Variants in HGS observed in about 807,000 individuals in gnomAD.
HGS encodes human growth factor-regulated tyrosine kinase substrate.
A neutral mutation model predicts 109.7 loss-of-function variants in HGS; 63 were observed. That is an observed-to-expected ratio of 0.57 (90% CI 0.47 to 0.71). The LOEUF (loss-of-function observed/expected upper bound fraction) is 0.71. Among genes scored for constraint, HGS ranks in the 30% least tolerant of loss-of-function variants. The probability of loss-of-function intolerance (pLI) is 0.00; values close to 1 mark genes in which losing one functional copy is unlikely to be tolerated. For synonymous variants in HGS, 546 were observed against 437.3 expected, an observed-to-expected ratio of 1.25 and a Z score of -3.10; for missense variants, 995 against 1,068.3, an observed-to-expected ratio of 0.93 and a Z score of 0.96.
rs370650353 is a variant in HGS, at chr17:81,695,994, G to A, written c.1388G>A (p.Arg463His). Residue 463 changes from arginine to histidine, a missense_variant, in exon 15 of 22, where the codon CGC (arginine) becomes CAC (histidine). Physicochemically the swap from Arg to His is conservative, Grantham distance 29. Around this residue, in one of 6 missense-constraint regions of HGS, gnomAD observed 163 missense variants for 217.8 expected, o/e 0.75. Coordinates refer to ENST00000329138, the MANE Select transcript of HGS (RefSeq NM_004712.5). ...LLELLNQLDE[R>H]RLYYEGLQDK... ...GAGCTGCTCAACCAGCTGGACGAGC[G>A]CAGGCGTAGGTGCCCGCGCCACGGG... The A allele has an allele frequency of 7.7e-6, 12 of 1,551,258 alleles. No homozygotes were observed. The highest frequency in any genetic ancestry group is 1.8e-5 in the Admixed American group (1 of 54,856).
chr17:81,694,726 C>T, intron 11 of HGS, 89 bp from the exon 12 acceptor site: 2 of 1,546,282 alleles, frequency 1.3e-6, no homozygotes, highest in South Asian at 2.2e-5. Context: ...GCTCTGGTCT[C>T]CAGGATCTGT....
intron 20 of HGS, 37 bp from the exon 21 acceptor site, chr17:81,701,008 G>T (rs1342107592): frequency 1.3e-6 from 2 of 1,589,382 alleles, no homozygotes; most frequent in African/African-American, 1.3e-5. Context: ...CCTGGTCACA[G>T]GGCTACTCTC....
intron 2 of HGS, 60 bp from the exon 3 acceptor site, chr17:81,686,240 CTTTTCTCATCTT>C: frequency 7.8e-7 from 1 of 1,284,552 alleles, no homozygotes; most frequent in Non-Finnish European, 1.1e-6. Context: ...AGCAGATGAG[CTTTTCTCATCTT>C]AGTTGCTGAG....
At chr17:81,688,006 C>T (rs533685087) in intron 4 of HGS, among the ~76,000 whole-genome samples, 36 of 152,324 alleles carry the variant, frequency 2.4e-4, no homozygotes, top group Middle Eastern at 3.4e-3. Context: ...GATCCTGAGC[C>T]GGTTCGCTCC....
chr17:81,685,519 G>GT, intron 1 of HGS, 86 bp from the exon 2 acceptor site: 1 of 795,366 alleles, frequency 1.3e-6, no homozygotes. Flanking sequence ...GAAGGAGAGA[G>GT]TCCCCCCCAG....
Position 81,684,052 on chromosome 17 carries a change from G to C in HGS, c.-15G>C. The C allele has an allele frequency of 6.3e-7, 1 of 1,592,550 alleles. No homozygotes were observed. On this transcript the variant is annotated 5_prime_UTR_variant, in exon 1 of 22. Transcript: ENST00000329138. Reference sequence around the variant, plus strand: ...GGGGAGCGCCCGCGGCGTCGGGTTTGGGCTGGAGGTCGCCATGGGGCGAGG... The same window carrying C: ...GGGGAGCGCCCGCGGCGTCGGGTTTCGGCTGGAGGTCGCCATGGGGCGAGG...
At chr17:81,698,746 C>T (rs1466089800) in intron 18 of HGS, among the ~76,000 whole-genome samples, 2 of 152,092 alleles carry the variant, frequency 1.3e-5, no homozygotes, top group Admixed American at 6.6e-5. Context: ...TGTGTATGTG[C>T]GAATACATGC....
chr17:81,698,662 C>T (rs1011093977), intron 18 of HGS, among the ~76,000 whole-genome samples: 5 of 152,138 alleles, frequency 3.3e-5, no homozygotes, highest in African/African-American at 7.2e-5. Context: ...TGGGTGTGCT[C>T]ACAGCTCTAG....
In HGS at chr17:81,696,699, G is replaced by T; in HGVS notation, c.1659G>T (p.Thr553=). Residue 553 remains threonine, a synonymous_variant, in exon 17 of 22, where the codon ACG becomes ACT. Transcript: ENST00000329138. ...TGCGGCTGGAGCAGCAGAAGCAGAC[G>T]GTCCAGATGCGCGCGCAGATGCCCG... The part of the protein sequence containing the change: ...RQMRLEQQKQ[T]VQMRAQMPAF... The T allele has an allele frequency of 6.2e-7, 1 of 1,610,724 alleles. No individual in the cohort carries two copies. Among genetic ancestry groups the T allele is most frequent in the Non-Finnish European group, 8.5e-7 (1 of 1,179,204 alleles).
chr17:81,694,570 T>C (rs1462086817), intron 11 of HGS, among the ~76,000 whole-genome samples: 1 of 152,240 alleles, frequency 6.6e-6, no homozygotes, highest in Non-Finnish European at 1.5e-5. Flanking sequence ...AGTGCCACCC[T>C]GTTCCTCCCA....
intron 2 of HGS, among the ~76,000 whole-genome samples, chr17:81,685,977 C>CTGAA (rs1183337893): frequency 6.6e-6 from 1 of 152,144 alleles, no homozygotes; most frequent in Non-Finnish European, 1.5e-5. Flanking sequence ...GTCACCCAGG[C>CTGAA]TGAAGTGCAG....
intron 17 of HGS, 35 bp downstream of exon 17, chr17:81,696,782 G>A: frequency 6.2e-7 from 1 of 1,602,444 alleles, no homozygotes; most frequent in Non-Finnish European, 8.5e-7. Context: ...AGAGGCTTGT[G>A]GGCTGAGGAC....
At chr17:81,697,194 G>T in intron 18 of HGS, 196 bp downstream of exon 18, 1 of 631,650 alleles carries the variant, frequency 1.6e-6, no homozygotes, top group East Asian at 2.9e-5. Flanking sequence ...CAGTCCGTGC[G>T]TGGCAGGTAC....
chr17:81,693,864 C>A lies in HGS; in HGVS notation c.841-6C>A. ...CCAAGTGACGCCCCTTCTGATTCTGCCTCAGAGACAGAAGTCCACGTACAC... is the reference window on the plus strand; with the variant it reads ...CCAAGTGACGCCCCTTCTGATTCTGACTCAGAGACAGAAGTCCACGTACAC... On this transcript the variant is annotated splice_polypyrimidine_tract_variant and splice_region_variant and intron_variant, in intron 10 of 21. Transcript: ENST00000329138. 6.2e-7 allele frequency: 1 copy of A among 1,603,338 alleles called. No individual in the cohort carries two copies. The highest frequency in any genetic ancestry group is 8.5e-7 in the Non-Finnish European group (1 of 1,176,354).
At chr17:81,686,525 G>A (rs1470397916) in intron 3 of HGS, 138 bp downstream of exon 3, 2 of 653,800 alleles carry the variant, frequency 3.1e-6, no homozygotes, top group African/African-American at 1.8e-5. Context: ...ACTCAGCCTT[G>A]AGTGCCTGTG....
In HGS at chr17:81,686,989, C is replaced by T. The variant is rs376855477; in HGVS notation, c.199-14C>T. The T allele has an allele frequency of 7.0e-5, 112 of 1,609,402 alleles. No individual in the cohort carries two copies. The highest frequency in any genetic ancestry group is 1.0e-4 in the Admixed American group (6 of 59,742). The stretch of plus-strand genomic sequence containing the variant: ...GACCACTGGCCCAACCCTTCCCTTC[C>T]TGGGCATCTGCAGGTCATGGAATCT... On this transcript the variant is annotated splice_polypyrimidine_tract_variant and intron_variant, in intron 3 of 21. Coordinates refer to ENST00000329138, the MANE Select transcript of HGS (RefSeq NM_004712.5).
chr17:81,696,973 C>A lies in HGS; in HGVS notation c.1857C>A (p.Tyr619Ter). The A allele has an allele frequency of 6.3e-7, 1 of 1,597,460 alleles. No homozygotes were observed. The highest frequency in any genetic ancestry group is 8.5e-7 in the Non-Finnish European group (1 of 1,175,300). Reference protein sequence around the residue: ...MSQPAPAAGPYPSMPSTAADP... With the variant: ...MSQPAPAAGP ...AGCCGGCCCCTGCCGCTGGCCCCTA[C>A]CCCAGCATGCCCAGCACTGCGGCTG... The change falls in exon 18 of 22, where the codon TAC (tyrosine) becomes TAA (stop). Residue 619 changes from tyrosine (Y) to a stop codon, truncating the protein, a stop_gained. Transcript: ENST00000329138. LOFTEE classifies it high-confidence loss of function.
rs200174222 is a variant in HGS, at chr17:81,693,565, T to C, written c.725T>C (p.Leu242Pro). The C allele has an allele frequency of 6.2e-4, 997 of 1,610,220 alleles. 1 individual carries two copies. The highest frequency in any genetic ancestry group is 1.0e-3 in the South Asian group (92 of 90,828). ...CCCCCCGAGTACCTGACCAGCCCCC[T>C]GTCTCAGCAGTCCCAGGTACTCAGC... is the stretch of plus-strand genomic sequence containing the variant. Reference protein sequence around the residue: ...ELPPEYLTSPLSQQSQLPPKR... With the variant: ...ELPPEYLTSPPSQQSQLPPKR... The change falls in exon 9 of 22, where the codon CTG (leucine) becomes CCG (proline). Residue 242 changes from leucine to proline, a missense_variant. Around this residue, in one of 6 missense-constraint regions of HGS, gnomAD observed 300 missense variants for 235.4 expected, o/e 1.27. Transcript: ENST00000329138.
chr17:81,687,768 C>T (rs572276875), intron 4 of HGS, among the ~76,000 whole-genome samples: 8 of 152,274 alleles, frequency 5.3e-5, no homozygotes, highest in Middle Eastern at 3.4e-3. Flanking sequence ...GGCTGCTCCC[C>T]TTCTGTCCCA....
Sources: gnomAD v4.1 joint callset for allele counts (sites outside exome capture counted in the v4.1 genomes callset) on GRCh38, gnomAD v4.1.1 for gene constraint, gnomAD v4.1.1 regional missense constraint, MANE v1.5 for transcripts, NCBI Gene and HGNC (gene_info 2026-07-23, HGNC 2026-07-21) for gene names.